The following RRAS2 variants were observed in gnomAD, a reference collection of about 807,000 sequenced individuals.
RRAS2 encodes ras-related protein R-Ras2.
A neutral mutation model predicts 27.6 loss-of-function variants in RRAS2; 7 were observed. That is an observed-to-expected ratio of 0.25 (90% CI 0.14 to 0.48). The LOEUF (loss-of-function observed/expected upper bound fraction) is 0.48, where lower values mean the gene tolerates loss of function less well. Among genes scored for constraint, RRAS2 ranks in the 20% least tolerant of loss-of-function variants. The probability of loss-of-function intolerance (pLI) is 0.99; values close to 1 mark genes in which losing one functional copy is unlikely to be tolerated. For missense variants in RRAS2, 178 were observed against 256.2 expected, an observed-to-expected ratio of 0.69 and a Z score of 2.08; for synonymous variants, 86 against 90.9, an observed-to-expected ratio of 0.95 and a Z score of 0.31.
intron 1 of RRAS2, among the ~76,000 whole-genome samples, chr11:14,338,797 T>C (rs1378360894): frequency 6.6e-6 from 1 of 152,032 alleles, no homozygotes; most frequent in African/African-American, 2.4e-5. Flanking sequence ...AAACAGTGAA[T>C]ATGGGACTCA....
At chr11:14,310,914 G>A (rs1439011970) in intron 1 of RRAS2, among the ~76,000 whole-genome samples, 1 of 152,232 alleles carries the variant, frequency 6.6e-6, no homozygotes, top group African/African-American at 2.4e-5. Context: ...GACAGGTTCT[G>A]ATACTTCCTT....
intron 1 of RRAS2, among the ~76,000 whole-genome samples, chr11:14,349,415 G>A (rs1366903933): frequency 6.6e-6 from 1 of 151,326 alleles, no homozygotes; most frequent in African/African-American, 2.4e-5. Context: ...ACCCGCCTCA[G>A]CCTCCCAAAG....
intron 1 of RRAS2, among the ~76,000 whole-genome samples, chr11:14,343,904 G>A (rs1456863531): frequency 7.2e-5 from 11 of 151,806 alleles, no homozygotes; most frequent in Admixed American, 7.2e-4. Context: ...ACTTCGGGAG[G>A]CCAAGGTGGG....
chr11:14,340,128 TC>T (rs1848673128), intron 1 of RRAS2, among the ~76,000 whole-genome samples: 1 of 133,816 alleles, frequency 7.5e-6, no homozygotes, highest in Non-Finnish European at 1.6e-5. Context: ...ACAGAGTCTG[TC>T]CCTCTGTCTC....
intron 4 of RRAS2, among the ~76,000 whole-genome samples, chr11:14,287,212 A>T (rs1457154728): frequency 6.6e-6 from 1 of 152,110 alleles, no homozygotes; most frequent in Non-Finnish European, 1.5e-5. Context: ...TTATTCTTTC[A>T]CCACGTCATC....
At chr11:14,303,687 C>T (rs1248744542) in intron 1 of RRAS2, among the ~76,000 whole-genome samples, 1 of 152,190 alleles carries the variant, frequency 6.6e-6, no homozygotes, top group Non-Finnish European at 1.5e-5. Flanking sequence ...TCTCCCCTTC[C>T]TTGGTGGAGC....
chr11:14,343,320 T>C (rs782576973), intron 1 of RRAS2, among the ~76,000 whole-genome samples: 11 of 152,222 alleles, frequency 7.2e-5, no homozygotes, highest in Non-Finnish European at 1.3e-4. Flanking sequence ...AGACAAAGTT[T>C]TCCATACTAT....
intron 1 of RRAS2, among the ~76,000 whole-genome samples, chr11:14,298,721 C>T (rs1317770114): frequency 6.6e-6 from 1 of 152,156 alleles, no homozygotes; most frequent in African/African-American, 2.4e-5. Flanking sequence ...TGTAAAGAGC[C>T]ATCCACATTG....
intron 5 of RRAS2, among the ~76,000 whole-genome samples, chr11:14,281,194 A>G (rs1437696643): frequency 2.0e-5 from 3 of 152,240 alleles, no homozygotes; most frequent in African/African-American, 7.2e-5. Context: ...TGAACAAGCT[A>G]TTTAACTTCT....
intron 1 of RRAS2, among the ~76,000 whole-genome samples, chr11:14,335,950 A>G (rs2134016291): frequency 6.6e-6 from 1 of 152,310 alleles, no homozygotes; most frequent in Non-Finnish European, 1.5e-5. Context: ...ACAGACACCA[A>G]AGAAAAAACC....
chr11:14,351,517 A>G (rs1848951632), intron 1 of RRAS2, among the ~76,000 whole-genome samples: 1 of 152,214 alleles, frequency 6.6e-6, no homozygotes, highest in Non-Finnish European at 1.5e-5. Context: ...ACATAAGGTC[A>G]GGAGTTCAAG....
Position 14,278,289 on chromosome 11 carries a change from CA to C in RRAS2, c.*1047del, listed in dbSNP as rs1232113480. 6 of 152,168 alleles carry C rather than the reference CA, an allele frequency of 3.9e-5. No homozygotes were observed. Among genetic ancestry groups the C allele is most frequent in the African/African-American group, 1.4e-4 (6 of 41,448 alleles). The allele number at this position is 152,168 out of a possible 1,614,324, so 9.4% of individuals were successfully genotyped here. A position where few individuals can be genotyped will look rare whatever the true frequency, so the allele number is the denominator to read the frequency against. ...AAGATGGGTACAACCAAGACCAGAC[CA>C]GCAAGTAAAAGTTCTACCACAGTTT... On this transcript the variant is annotated 3_prime_UTR_variant, in exon 6 of 6. Transcript: ENST00000256196.
At position 14,302,064 on chromosome 11, in the gene RRAS2, C is replaced by CCACACACACA. The variant is rs1391326999; in HGVS notation, c.109-6210_109-6209insTGTGTGTGTG. On this transcript the variant is annotated intron_variant, in intron 1 of 5. Transcript: ENST00000256196. Reference sequence around the variant, plus strand: ...GCCTATAAAACAAGGAGTAAATGTACCACACACATACACACACACACACAC... The same window carrying CCACACACACA: ...GCCTATAAAACAAGGAGTAAATGTACCACACACACACACACACATACACACACACACACAC... Among the ~76,000 whole-genome samples the CCACACACACA allele has an allele frequency of 5.8e-3, 300 of 51,804 alleles. 1 individual carries two copies. Among genetic ancestry groups the CCACACACACA allele is most frequent in the Admixed American group, 8.6e-3 (36 of 4,192 alleles). 34.0% of individuals were successfully genotyped at this position (51,804 alleles called of 152,430 possible).
At chr11:14,282,878 A>C (rs1377008416) in intron 4 of RRAS2, among the ~76,000 whole-genome samples, 3 of 152,184 alleles carry the variant, frequency 2.0e-5, no homozygotes, top group African/African-American at 7.2e-5. Flanking sequence ...TAATAAAGAC[A>C]ATTTTATTTC....
intron 3 of RRAS2, 72 bp downstream of exon 3, chr11:14,294,688 A>G: frequency 6.5e-7 from 1 of 1,532,312 alleles, no homozygotes; most frequent in Admixed American, 1.9e-5. Flanking sequence ...TATAAAAACA[A>G]AAAGTCCAAA....
intron 4 of RRAS2, among the ~76,000 whole-genome samples, chr11:14,290,127 G>A (rs1366275834): frequency 6.6e-6 from 1 of 152,084 alleles, no homozygotes; most frequent in Non-Finnish European, 1.5e-5. Flanking sequence ...CATTATAGAC[G>A]GACACCTTTA....
intron 4 of RRAS2, among the ~76,000 whole-genome samples, chr11:14,291,028 TGGA>T (rs1165373858): frequency 1.3e-5 from 2 of 151,948 alleles, no homozygotes; most frequent in Non-Finnish European, 2.9e-5. Context: ...CAGTGTCTGG[TGGA>T]GAAGTTGATC....
intron 4 of RRAS2, among the ~76,000 whole-genome samples, chr11:14,286,758 T>A (rs1849669893): frequency 6.6e-6 from 1 of 152,230 alleles, no homozygotes; most frequent in Non-Finnish European, 1.5e-5. Context: ...TATCTAAGTT[T>A]ATCTAACTTT....
intron 1 of RRAS2, among the ~76,000 whole-genome samples, chr11:14,319,435 T>G (rs1429878795): frequency 7.2e-6 from 1 of 138,386 alleles, no homozygotes; most frequent in Non-Finnish European, 1.5e-5. Context: ...CTCGGCTCAG[T>G]GCAAGCTCCA....
Sources: gnomAD v4.1 joint callset for allele counts (sites outside exome capture counted in the v4.1 genomes callset) on GRCh38, gnomAD v4.1.1 for gene constraint, MANE v1.5 for transcripts, NCBI Gene and HGNC (gene_info 2026-07-23, HGNC 2026-07-21) for gene names.